Variants in NLGN1 observed in about 807,000 individuals in gnomAD.
NLGN1 encodes the protein neuroligin 1, also known as neuroligin-1.
In NLGN1, 12 loss-of-function variants were observed where a neutral mutation model predicts 65.5. That is an observed-to-expected ratio of 0.18 (90% CI 0.12 to 0.30). The LOEUF is 0.30. NLGN1 is among the 10% of genes least tolerant of loss of function. The pLI is 1.00. For synonymous variants in NLGN1, 350 were observed against 359.5 expected, an observed-to-expected ratio of 0.97 and a Z score of 0.30; for missense variants, 750 against 1,007.1, an observed-to-expected ratio of 0.74 and a Z score of 3.46.
At chr3:173,788,393 T>C (rs1711776337) in intron 3 of NLGN1, among the ~76,000 whole-genome samples, 1 of 152,112 alleles carries the variant, frequency 6.6e-6, no homozygotes, top group African/African-American at 2.4e-5. Context: ...ACTGTTCCAC[T>C]GTCAATTAAC....
At chr3:173,685,196 A>T (rs956351173) in intron 3 of NLGN1, among the ~76,000 whole-genome samples, 10 of 152,280 alleles carry the variant, frequency 6.6e-5, no homozygotes, top group African/African-American at 2.4e-4. Flanking sequence ...AATCAATTTA[A>T]ATAAGTTGCT....
intron 2 of NLGN1, among the ~76,000 whole-genome samples, chr3:173,539,090 G>C (rs1240346465): frequency 6.6e-6 from 1 of 152,044 alleles, no homozygotes; most frequent in African/African-American, 2.4e-5. Context: ...TGCCCACTGG[G>C]AGGATTTCCT....
intron 4 of NLGN1, among the ~76,000 whole-genome samples, chr3:173,833,665 T>C (rs7648414): frequency 0.85 from 129,487 of 152,012 alleles, 56,016 homozygotes; most frequent in African/African-American, 0.93. Context: ...TCTGCGGGCA[T>C]GCACCACCAC....
intron 3 of NLGN1, among the ~76,000 whole-genome samples, chr3:173,679,272 T>C (rs938912766): frequency 5.9e-5 from 9 of 151,302 alleles, no homozygotes; most frequent in Non-Finnish European, 1.5e-5. Flanking sequence ...AAAAAAAAGA[T>C]GAAGAACTGA....
intron 2 of NLGN1, among the ~76,000 whole-genome samples, chr3:173,489,157 C>T (rs1728662418): frequency 1.3e-5 from 2 of 151,776 alleles, no homozygotes; most frequent in South Asian, 4.2e-4. Context: ...CATATGTATA[C>T]ATGTGCCATG....
chr3:173,965,322 T>C (rs1463346678), intron 4 of NLGN1, among the ~76,000 whole-genome samples: 1 of 151,734 alleles, frequency 6.6e-6, no homozygotes, highest in East Asian at 1.9e-4. Flanking sequence ...TTAGTAATAT[T>C]ATTATTATTA....
chr3:174,141,734 T>C (rs1209398099), intron 4 of NLGN1, among the ~76,000 whole-genome samples: 1 of 152,140 alleles, frequency 6.6e-6, no homozygotes, highest in Non-Finnish European at 1.5e-5. Flanking sequence ...TGCAGTCTGC[T>C]AGAGAAGTGG....
intron 4 of NLGN1, among the ~76,000 whole-genome samples, chr3:174,206,532 A>G (rs1414967774): frequency 1.3e-5 from 2 of 152,170 alleles, no homozygotes; most frequent in East Asian, 3.8e-4. Flanking sequence ...AAGACAAGGA[A>G]AGAGGGCCTG....
intron 4 of NLGN1, among the ~76,000 whole-genome samples, chr3:173,891,843 A>G (rs1020056550): frequency 2.0e-5 from 3 of 152,242 alleles, no homozygotes; most frequent in Non-Finnish European, 4.4e-5. Flanking sequence ...AACAATGCCC[A>G]TCATGCAGAA....
chr3:173,637,888 T>C (rs1287805654), intron 3 of NLGN1, among the ~76,000 whole-genome samples: 2 of 152,170 alleles, frequency 1.3e-5, no homozygotes, highest in Non-Finnish European at 2.9e-5. Flanking sequence ...GGATTTGGTC[T>C]TACACACCCA....
intron 4 of NLGN1, among the ~76,000 whole-genome samples, chr3:174,195,728 G>C (rs1016097721): frequency 2.6e-5 from 4 of 152,122 alleles, no homozygotes; most frequent in Non-Finnish European, 5.9e-5. Context: ...TAAAGAGCAG[G>C]GGGCACAGGA....
intron 4 of NLGN1, among the ~76,000 whole-genome samples, chr3:174,166,840 C>G (rs573367920): frequency 6.6e-6 from 1 of 152,066 alleles, no homozygotes; most frequent in South Asian, 2.1e-4. Context: ...TCTATAAGTA[C>G]TTTTTTATGA....
intron 3 of NLGN1, among the ~76,000 whole-genome samples, chr3:173,692,926 G>A (rs915676295): frequency 1.1e-4 from 17 of 152,150 alleles, no homozygotes; most frequent in African/African-American, 1.4e-4. Context: ...CATGCCTGAT[G>A]TCAGATAGAG....
At chr3:173,861,929 TTG>T (rs758783573) in intron 4 of NLGN1, among the ~76,000 whole-genome samples, 4 of 149,018 alleles carry the variant, frequency 2.7e-5, no homozygotes, top group African/African-American at 4.9e-5. Flanking sequence ...CAACTAATTT[TTG>T]TGTGTGTGTG....
intron 4 of NLGN1, among the ~76,000 whole-genome samples, chr3:173,907,268 C>T (rs1479551986): frequency 1.3e-5 from 2 of 152,210 alleles, no homozygotes; most frequent in Non-Finnish European, 2.9e-5. Context: ...TCCTCAGCAA[C>T]TCCTTGTTAT....
chr3:174,146,868 G>A (rs899647993), intron 4 of NLGN1, among the ~76,000 whole-genome samples: 1 of 152,084 alleles, frequency 6.6e-6, no homozygotes. Flanking sequence ...GCGCCGGGCT[G>A]ACATGAATCT....
At chr3:173,545,417 G>T (rs1739624882) in intron 2 of NLGN1, among the ~76,000 whole-genome samples, 1 of 151,948 alleles carries the variant, frequency 6.6e-6, no homozygotes, top group East Asian at 1.9e-4. Flanking sequence ...AAGCCAGAAA[G>T]GCAGAAATAG....
At chr3:174,124,626 C>A (rs1448819159) in intron 4 of NLGN1, among the ~76,000 whole-genome samples, 1 of 110,686 alleles carries the variant, frequency 9.0e-6, no homozygotes, top group Non-Finnish European at 1.8e-5. Flanking sequence ...TACGTATACA[C>A]ATATACGTAT....
At chr3:174,264,274 G>A (rs1296358402) in intron 4 of NLGN1, among the ~76,000 whole-genome samples, 4 of 151,344 alleles carry the variant, frequency 2.6e-5, no homozygotes, top group Non-Finnish European at 5.9e-5. Flanking sequence ...ATCCTGCAGA[G>A]TGTTTTCCAA....
Sources: gnomAD v4.1 joint callset for allele counts (sites outside exome capture counted in the v4.1 genomes callset) on GRCh38, gnomAD v4.1.1 for gene constraint, MANE v1.5 for transcripts, NCBI Gene and HGNC (gene_info 2026-07-23, HGNC 2026-07-21) for gene names.